Variants in CKS2 observed in about 807,000 individuals in gnomAD.
CKS2 encodes cyclin-dependent kinases regulatory subunit 2.
Under a neutral mutation model 14.3 loss-of-function variants are expected in CKS2, and 4 were observed. That is an observed-to-expected ratio of 0.28 (90% CI 0.14 to 0.64). The LOEUF (loss-of-function observed/expected upper bound fraction) is 0.64. Ranked by LOEUF, CKS2 falls within the 30% of genes least tolerant of loss-of-function variation. The probability of loss-of-function intolerance (pLI) is 0.83; values close to 1 mark genes in which losing one functional copy is unlikely to be tolerated. For synonymous variants in CKS2, 33 were observed against 28.7 expected, an observed-to-expected ratio of 1.15 and a Z score of -0.48; for missense variants, 71 against 94.3, an observed-to-expected ratio of 0.75 and a Z score of 1.02.
rs1403480095 is a variant in CKS2 at position 89,311,289 on chromosome 9, C to A, written c.-4C>A. The A allele has an allele frequency of 6.2e-7, 1 of 1,610,764 alleles. No homozygotes were observed. Among genetic ancestry groups the A allele is most frequent in the East Asian group, 2.3e-5 (1 of 44,302 alleles). On this transcript the variant is annotated 5_prime_UTR_variant, in exon 1 of 3. Coordinates refer to ENST00000314355, the MANE Select transcript of CKS2 (RefSeq NM_001827.3). ...CGTTTCATTTTCTGCAGCGCGCCAG[C>A]AGGATGGCCCACAAGCAGATCTACT...
Position 89,311,250 on chromosome 9 carries a change from G to C in CKS2, c.-43G>C, listed in dbSNP as rs1824598678. The C allele has an allele frequency of 6.4e-7, 1 of 1,573,210 alleles. No homozygotes were observed. Among genetic ancestry groups the C allele is most frequent in the African/African-American group, 1.4e-5 (1 of 73,826 alleles). On this transcript the variant is annotated 5_prime_UTR_variant, in exon 1 of 3. Transcript: ENST00000314355. ...GGACGTGGTTTTGTCTGCTGCGCCC[G>C]CTCTTCGCGCTCTCGTTTCATTTTC...
intron 1 of CKS2, among the ~76,000 whole-genome samples, chr9:89,311,718 T>C (rs778994648): frequency 2.1e-4 from 32 of 152,246 alleles, no homozygotes; most frequent in Non-Finnish European, 4.0e-4. Flanking sequence ...CCGAAGTAAT[T>C]AGGCCGTTCA....
At position 89,311,288 on chromosome 9, in the gene CKS2, G is replaced by A. The variant is rs371951676; in HGVS notation, c.-5G>A. ...TCGTTTCATTTTCTGCAGCGCGCCA[G>A]CAGGATGGCCCACAAGCAGATCTAC... On this transcript the variant is annotated 5_prime_UTR_variant, in exon 1 of 3. Transcript: ENST00000314355. 1.3e-5 allele frequency: 21 copies of A among 1,610,526 alleles called. No homozygotes were observed. The highest frequency in any genetic ancestry group is 3.4e-6 in the Non-Finnish European group (4 of 1,178,476).
At chr9:89,315,470 G>T (rs1014987514) in intron 2 of CKS2, among the ~76,000 whole-genome samples, 173 bp downstream of exon 2, 3 of 145,174 alleles carry the variant, frequency 2.1e-5, no homozygotes, top group African/African-American at 2.6e-5. Context: ...CAATTTTATG[G>T]TAAATAAAAT....
chr9:89,316,316 TTC>T (rs1320346152), intron 2 of CKS2, 55 bp from the exon 3 acceptor site: 3 of 1,121,670 alleles, frequency 2.7e-6, no homozygotes, highest in Non-Finnish European at 4.0e-6. Flanking sequence ...ACTTTTGAAT[TTC>T]TGTTGAGTAT....
intron 1 of CKS2, among the ~76,000 whole-genome samples, chr9:89,314,489 T>C (rs575618074): frequency 6.6e-6 from 1 of 152,368 alleles, no homozygotes; most frequent in East Asian, 1.9e-4. Flanking sequence ...TTAGTGGTTT[T>C]CTGTTTTTAA....
intron 1 of CKS2, 121 bp from the exon 2 acceptor site, chr9:89,315,049 G>C: frequency 1.3e-6 from 1 of 751,378 alleles, no homozygotes; most frequent in Non-Finnish European, 2.0e-6. Flanking sequence ...CATCATATCA[G>C]AATTAAAGGT....
chr9:89,314,049 A>T (rs1441342118), intron 1 of CKS2, among the ~76,000 whole-genome samples: 2 of 152,228 alleles, frequency 1.3e-5, no homozygotes, highest in East Asian at 3.8e-4. Context: ...TGTGTCTCAG[A>T]AAGTGACCAG....
Position 89,316,618 on chromosome 9 carries a change from C to A in CKS2, c.*193C>A. 2.4e-6 allele frequency: 1 copy of A among 420,372 alleles called. No individual in the cohort carries two copies. The allele number at this position is 420,372 out of a possible 1,614,324, so 26.0% of individuals were successfully genotyped here. ...CTGTAAGATGTTTAAGATAAAAGTT[C>A]TTCCAGTCAGTTTTTCTCTTAAGTG... On this transcript the variant is annotated 3_prime_UTR_variant, in exon 3 of 3. Transcript: ENST00000314355.
In CKS2 at chr9:89,315,310, A is replaced by G. The variant is rs2131464280; in HGVS notation, c.187+13A>G. 2 of 1,549,700 alleles carry G rather than the reference A, an allele frequency of 1.3e-6. No homozygotes were observed. Among genetic ancestry groups the G allele is most frequent in the Admixed American group, 1.9e-5 (1 of 51,748 alleles). The stretch of plus-strand genomic sequence containing the variant: ...ATTCATGAGCCAGGTAAGCTATGCT[A>G]TGTTATAGTAAAGCAGTAATTGTTG... On this transcript the variant is annotated intron_variant, in intron 2 of 2. Transcript: ENST00000314355.
chr9:89,315,964 G>A (rs978443123), intron 2 of CKS2, among the ~76,000 whole-genome samples: 1 of 152,210 alleles, frequency 6.6e-6, no homozygotes, highest in Non-Finnish European at 1.5e-5. Flanking sequence ...CTACTCTGCT[G>A]TTAAAGAAAA....
In CKS2 at chr9:89,311,350, C is replaced by A. The variant is rs1317066198; in HGVS notation, c.58C>A (p.Arg20=). 4.4e-6 allele frequency: 7 copies of A among 1,602,072 alleles called. No homozygotes were observed. The highest frequency in any genetic ancestry group is 6.0e-6 in the Non-Finnish European group (7 of 1,175,408). ...DKYFDEHYEY[R]HVMLPRELSK... ...GTACTTCGACGAACACTACGAGTAC[C>A]GGTGGGCGCCTTTCTTAGACCCCGA... Residue 20 remains arginine (R), a splice_region_variant and synonymous_variant, in exon 1 of 3, where the codon CGG becomes AGG. Coordinates refer to ENST00000314355, the MANE Select transcript of CKS2 (RefSeq NM_001827.3).
intron 1 of CKS2, 149 bp downstream of exon 1, chr9:89,311,500 C>A: frequency 1.9e-6 from 1 of 537,932 alleles, no homozygotes; most frequent in Non-Finnish European, 3.1e-6. Flanking sequence ...TTTGGGGTCG[C>A]GGCCACCTGG....
chr9:89,313,733 CAACAA>C (rs1179816195), intron 1 of CKS2, among the ~76,000 whole-genome samples: 1 of 152,114 alleles, frequency 6.6e-6, no homozygotes, highest in Admixed American at 6.5e-5. Flanking sequence ...TGAGAATAAT[CAACAA>C]GATAGAACGT....
At chr9:89,315,879 C>T (rs1824702064) in intron 2 of CKS2, among the ~76,000 whole-genome samples, 1 of 152,152 alleles carries the variant, frequency 6.6e-6, no homozygotes, top group Non-Finnish European at 1.5e-5. Context: ...GTAAATCTAA[C>T]AGCATTTATA....
At chr9:89,315,596 T>G (rs190357431) in intron 2 of CKS2, among the ~76,000 whole-genome samples, 11 of 152,120 alleles carry the variant, frequency 7.2e-5, no homozygotes, top group Admixed American at 5.9e-4. Flanking sequence ...TCCCAAAGCA[T>G]TTTATCATAA....
chr9:89,316,102 C>T (rs1407294642), intron 2 of CKS2, among the ~76,000 whole-genome samples: 1 of 150,360 alleles, frequency 6.7e-6, no homozygotes, highest in East Asian at 2.0e-4. Context: ...TGTGCCCCAC[C>T]TATTGAAACA....
In CKS2 at chr9:89,316,358, ATT is replaced by A. The variant is rs1179080215; in HGVS notation, c.188-12_188-11del. 6.5e-7 allele frequency: 1 copy of A among 1,538,810 alleles called. No homozygotes were observed. The highest frequency in any genetic ancestry group is 1.7e-5 in the Admixed American group (1 of 57,936). On this transcript the variant is annotated splice_polypyrimidine_tract_variant and intron_variant, in intron 2 of 2. Coordinates refer to ENST00000314355, the MANE Select transcript of CKS2 (RefSeq NM_001827.3). ...AAATCATATTAAAATGATTCAAAACATTTTCTTTCCACAGAACCACATATTCT... is the reference window on the plus strand; with the variant it reads ...AAATCATATTAAAATGATTCAAAACATTCTTTCCACAGAACCACATATTCT...
Position 89,313,657 on chromosome 9 carries a change from C to G in CKS2, c.60-1513C>G, listed in dbSNP as rs545464238. On this transcript the variant is annotated intron_variant, in intron 1 of 2. Coordinates refer to ENST00000314355, the MANE Select transcript of CKS2 (RefSeq NM_001827.3). ...AGGGTGGTAACTTCTATCTAAATAACTTGTTGGTAGATTTATGTACTCTGT... is the reference window on the plus strand; with the variant it reads ...AGGGTGGTAACTTCTATCTAAATAAGTTGTTGGTAGATTTATGTACTCTGT... Among the ~76,000 whole-genome samples, 8 of 152,274 alleles carry G rather than the reference C, an allele frequency of 5.3e-5. No individual in the cohort carries two copies. The East Asian group carries it at 1.5e-3, about 29-fold the overall frequency.
Sources: gnomAD v4.1 joint callset for allele counts (sites outside exome capture counted in the v4.1 genomes callset) on GRCh38, gnomAD v4.1.1 for gene constraint, MANE v1.5 for transcripts, NCBI Gene and HGNC (gene_info 2026-07-23, HGNC 2026-07-21) for gene names.